The following TENM4 variants were observed in gnomAD, a reference collection of about 807,000 sequenced individuals.
TENM4 encodes the protein teneurin-4.
TENM4 carries 82 observed loss-of-function variants against 243.3 expected under a neutral mutation model. The observed-to-expected ratio is 0.34, with a 90% confidence interval of 0.28 to 0.40. The LOEUF is 0.40. TENM4 is among the 10% of genes least tolerant of loss of function. The pLI, the probability that TENM4 is intolerant of heterozygous loss-of-function variation, is 1.00. For synonymous variants in TENM4, 1,412 were observed against 1,456.3 expected (o/e 0.97, Z 0.69); for missense variants, 3,138 against 3,673.3 (o/e 0.85, Z 3.77).
intron 4 of TENM4, among the ~76,000 whole-genome samples, chr11:79,138,331 T>TATATATATATATATATATATATATATA (rs1555015535): frequency 1.4e-4 from 11 of 76,104 alleles, no homozygotes; most frequent in East Asian, 8.6e-4. Context: ...ATATATATAT[T>TATATATATATATATATATATATATATA]ATATATATAA....
At chr11:79,006,628 A>C (rs1462006216) in intron 6 of TENM4, among the ~76,000 whole-genome samples, 1 of 152,238 alleles carries the variant, frequency 6.6e-6, no homozygotes, top group Non-Finnish European at 1.5e-5. Flanking sequence ...CATAGGGTGC[A>C]TCAGGCCTGG....
chr11:78,839,226 A>G (rs1413750658), intron 12 of TENM4, among the ~76,000 whole-genome samples: 1 of 152,176 alleles, frequency 6.6e-6, no homozygotes. Flanking sequence ...ATTCTGTTTG[A>G]CATTCCATTA....
intron 1 of TENM4, among the ~76,000 whole-genome samples, chr11:79,351,420 T>A (rs1241334029): frequency 6.6e-6 from 1 of 152,128 alleles, no homozygotes; most frequent in East Asian, 1.9e-4. Flanking sequence ...TAAATCTTTG[T>A]TGAGGCCAGG....
At chr11:78,996,140 T>C (rs1858167536) in intron 6 of TENM4, among the ~76,000 whole-genome samples, 1 of 152,188 alleles carries the variant, frequency 6.6e-6, no homozygotes, top group South Asian at 2.1e-4. Context: ...ACTAACCTCA[T>C]CATGAGCTAG....
chr11:79,198,339 T>G (rs1863674819), intron 3 of TENM4, among the ~76,000 whole-genome samples: 1 of 152,096 alleles, frequency 6.6e-6, no homozygotes, highest in Non-Finnish European at 1.5e-5. Flanking sequence ...ACTAAACAAG[T>G]GTCCAAGCTC....
At chr11:79,411,514 C>T (rs1858700342) in intron 1 of TENM4, among the ~76,000 whole-genome samples, 1 of 152,204 alleles carries the variant, frequency 6.6e-6, no homozygotes, top group East Asian at 1.9e-4. Flanking sequence ...AAAGCCTATG[C>T]TGCACTTAGG....
intron 19 of TENM4, among the ~76,000 whole-genome samples, chr11:78,751,449 C>T (rs534908056): frequency 6.6e-5 from 10 of 152,226 alleles, no homozygotes; most frequent in African/African-American, 2.4e-4. Context: ...TTAGAGGAAC[C>T]CAGCAAGATT....
chr11:78,800,796 T>C (rs1172214018), intron 15 of TENM4, among the ~76,000 whole-genome samples: 1 of 151,020 alleles, frequency 6.6e-6, no homozygotes, highest in Non-Finnish European at 1.5e-5. Flanking sequence ...CAATATAACA[T>C]AGTGTTTAGG....
chr11:79,401,261 G>C (rs185067695), intron 1 of TENM4, among the ~76,000 whole-genome samples: 293 of 152,242 alleles, frequency 1.9e-3, no homozygotes, highest in Admixed American at 4.7e-3. Flanking sequence ...CTAGGCACTG[G>C]AAATGAGAGA....
chr11:78,809,487 A>T (rs113268490), intron 14 of TENM4, among the ~76,000 whole-genome samples: 5,514 of 152,182 alleles, frequency 0.036, 313 homozygotes, highest in African/African-American at 0.13. Context: ...TCTGCCAAAG[A>T]GGTGGTAGGT....
chr11:79,214,890 A>C lies in TENM4; in HGVS notation c.-163+918T>G, dbSNP rs192399384. On this transcript the variant is annotated intron_variant, in intron 3 of 33. Coordinates refer to ENST00000278550, the MANE Select transcript of TENM4 (RefSeq NM_001098816.3). ...CTAGGTAGAGCAAAGCTTTCTACCA[A>C]CCTTTGATGGATGCGTAGCATGAGA... Among the ~76,000 whole-genome samples the C allele has an allele frequency of 4.0e-3, 607 of 152,388 alleles. 1 individual carries two copies. Among genetic ancestry groups the C allele is most frequent in the Non-Finnish European group, 6.8e-3 (462 of 68,038 alleles).
At chr11:78,936,416 C>T (rs988039010) in intron 6 of TENM4, among the ~76,000 whole-genome samples, 2 of 152,158 alleles carry the variant, frequency 1.3e-5, no homozygotes, top group African/African-American at 2.4e-5. Context: ...TTAAAGGGTG[C>T]AATTAACTCC....
intron 1 of TENM4, among the ~76,000 whole-genome samples, chr11:79,351,337 C>G (rs1857412290): frequency 6.6e-6 from 1 of 152,192 alleles, no homozygotes; most frequent in Admixed American, 6.5e-5. Flanking sequence ...CACAAGGACA[C>G]AGACTTTTGT....
chr11:79,291,689 C>T (rs909565406), intron 2 of TENM4, among the ~76,000 whole-genome samples: 2 of 152,148 alleles, frequency 1.3e-5, no homozygotes, highest in African/African-American at 2.4e-5. Context: ...AGCTTCCAGG[C>T]GCAGTATTAT....
chr11:78,866,512 G>C (rs1358914061), intron 9 of TENM4, among the ~76,000 whole-genome samples: 2 of 149,112 alleles, frequency 1.3e-5, no homozygotes, highest in Non-Finnish European at 3.0e-5. Context: ...ATAAGCCAGG[G>C]AAAAAAGTGT....
intron 3 of TENM4, among the ~76,000 whole-genome samples, chr11:79,203,333 A>C (rs1311334031): frequency 6.6e-6 from 1 of 152,234 alleles, no homozygotes; most frequent in Non-Finnish European, 1.5e-5. Flanking sequence ...AACATTATTC[A>C]TAATAGCATA....
intron 4 of TENM4, among the ~76,000 whole-genome samples, chr11:79,135,729 ATG>A (rs1565217997): frequency 7.3e-6 from 1 of 137,106 alleles, no homozygotes; most frequent in South Asian, 2.4e-4. Flanking sequence ...TCATACATAT[ATG>A]ATATATACAT....
At chr11:78,746,373 G>T (rs1401292306) in intron 19 of TENM4, among the ~76,000 whole-genome samples, 2 of 152,270 alleles carry the variant, frequency 1.3e-5, no homozygotes, top group Non-Finnish European at 1.5e-5. Flanking sequence ...AGAAACCACT[G>T]TTCTGTGGCC....
intron 6 of TENM4, among the ~76,000 whole-genome samples, chr11:79,060,983 T>C (rs1328162912): frequency 6.6e-6 from 1 of 151,878 alleles, no homozygotes; most frequent in African/African-American, 2.4e-5. Flanking sequence ...TTTGTTGAGG[T>C]CAGTGGGAAC....
Sources: allele counts gnomAD v4.1 joint callset (sites outside exome capture counted in the v4.1 genomes callset), GRCh38; gene constraint gnomAD v4.1.1; transcripts MANE v1.5; gene names NCBI Gene and HGNC (gene_info 2026-07-23, HGNC 2026-07-21).